Variants in CTNNA3 observed in about 807,000 individuals in gnomAD.
CTNNA3 encodes catenin alpha 3.
A neutral mutation model predicts 95.7 loss-of-function variants in CTNNA3; 76 were observed. The ratio of observed to expected loss-of-function variants is 0.79; its 90% CI spans 0.66 to 0.96. CTNNA3 has a LOEUF of 0.96. Ranked by LOEUF, CTNNA3 falls within the 40% of genes least tolerant of loss-of-function variation. The pLI is 0.00. For synonymous variants in CTNNA3, 431 were observed against 374.4 expected (o/e 1.15, Z -1.74); for missense variants, 1,191 against 1,089.8 (o/e 1.09, Z -1.31).
chr10:67,677,249 C>T (rs1450731084), intron 1 of CTNNA3, among the ~76,000 whole-genome samples: 1 of 152,114 alleles, frequency 6.6e-6, no homozygotes, highest in Non-Finnish European at 1.5e-5. Context: ...TTTTCCCTTA[C>T]CTTAAGGTTC....
At chr10:66,303,562 G>A (rs2091892999) in intron 12 of CTNNA3, among the ~76,000 whole-genome samples, 1 of 152,028 alleles carries the variant, frequency 6.6e-6, no homozygotes, top group South Asian at 2.1e-4. Flanking sequence ...GGCATATGAA[G>A]TGAATAAAAA....
At chr10:66,121,106 C>G (rs890323611) in intron 13 of CTNNA3, among the ~76,000 whole-genome samples, 1 of 152,174 alleles carries the variant, frequency 6.6e-6, no homozygotes, top group African/African-American at 2.4e-5. Context: ...AAACAAAAAT[C>G]TTGCCTACTA....
intron 7 of CTNNA3, among the ~76,000 whole-genome samples, chr10:66,887,342 C>CT (rs1475012890): frequency 7.9e-5 from 12 of 152,248 alleles, no homozygotes; most frequent in African/African-American, 2.6e-4. Flanking sequence ...TGCCCTCTTT[C>CT]TTTGAGTATG....
intron 9 of CTNNA3, among the ~76,000 whole-genome samples, chr10:66,629,317 G>C (rs1219406548): frequency 2.6e-5 from 4 of 151,980 alleles, no homozygotes; most frequent in Non-Finnish European, 5.9e-5. Flanking sequence ...GAGAGCTACA[G>C]GTCGCCTGGA....
At chr10:66,799,596 C>A (rs11813818) in intron 7 of CTNNA3, among the ~76,000 whole-genome samples, 29,804 of 151,252 alleles carry the variant, frequency 0.2, 3,262 homozygotes, top group Non-Finnish European at 0.24. Context: ...AAGGTAGAGA[C>A]AAGCATTAGA....
intron 15 of CTNNA3, among the ~76,000 whole-genome samples, chr10:66,001,363 T>G (rs1254124031): frequency 2.0e-5 from 3 of 152,202 alleles, no homozygotes; most frequent in Non-Finnish European, 4.4e-5. Flanking sequence ...GATGTTTTCT[T>G]TTTTATAATA....
chr10:67,139,293 C>A (rs1425184338), intron 7 of CTNNA3, among the ~76,000 whole-genome samples: 4 of 138,774 alleles, frequency 2.9e-5, no homozygotes, highest in African/African-American at 8.4e-5. Context: ...CCACCACGCC[C>A]GGCTAATTTT....
chr10:67,487,805 C>T (rs1433252694), intron 5 of CTNNA3, among the ~76,000 whole-genome samples: 7 of 152,220 alleles, frequency 4.6e-5, no homozygotes, highest in Non-Finnish European at 1.0e-4. Flanking sequence ...CTCACCAAGA[C>T]AGTGGTGACT....
At chr10:66,750,149 T>C (rs997097201) in intron 9 of CTNNA3, among the ~76,000 whole-genome samples, 6 of 152,224 alleles carry the variant, frequency 3.9e-5, no homozygotes, top group Admixed American at 2.0e-4. Context: ...AAATATATTA[T>C]TCATGTGTGT....
chr10:66,298,561 C>T (rs994111028), intron 12 of CTNNA3, among the ~76,000 whole-genome samples: 1 of 152,114 alleles, frequency 6.6e-6, no homozygotes, highest in Admixed American at 6.5e-5. Flanking sequence ...CAGTATCCAT[C>T]ACCCTTTCTT....
intron 7 of CTNNA3, among the ~76,000 whole-genome samples, chr10:67,063,279 T>C (rs1855869256): frequency 6.6e-6 from 1 of 152,334 alleles, no homozygotes; most frequent in Admixed American, 6.5e-5. Flanking sequence ...TTAAAAGATG[T>C]ATTAGTTCAC....
Position 67,326,439 on chromosome 10 carries a change from C to T in CTNNA3, c.580-106569G>A, listed in dbSNP as rs570005305. ...AGTTGATGGTAACAATTTCCCTCAG[C>T]ATTTGCCTGTCTGAAAAGGATCTTA... On this transcript the variant is annotated intron_variant, in intron 5 of 17. Transcript: ENST00000433211. Among the ~76,000 whole-genome samples, 23 of 152,320 alleles carry T rather than the reference C, an allele frequency of 1.5e-4. No homozygotes were observed. The South Asian group carries it at 4.6e-3, about 30-fold the overall frequency.
intron 10 of CTNNA3, among the ~76,000 whole-genome samples, chr10:66,594,857 T>C (rs1843659866): frequency 6.6e-6 from 1 of 152,194 alleles, no homozygotes. Flanking sequence ...TTCACTTTCC[T>C]TATCTTTAAA....
intron 7 of CTNNA3, among the ~76,000 whole-genome samples, chr10:67,014,599 TC>T (rs1852542573): frequency 6.6e-6 from 1 of 152,140 alleles, no homozygotes; most frequent in Non-Finnish European, 1.5e-5. Flanking sequence ...CCAAAGACTT[TC>T]TTTAGTAGCT....
chr10:66,926,713 T>G, intron 7 of CTNNA3: 1 of 1,174,298 alleles, frequency 8.5e-7, no homozygotes, highest in Non-Finnish European at 1.2e-6. Flanking sequence ...TATGAATTTA[T>G]TTGCTTAGTG....
At chr10:67,733,672 G>A (rs1271565290) in intron 1 of CTNNA3, among the ~76,000 whole-genome samples, 1 of 152,038 alleles carries the variant, frequency 6.6e-6, no homozygotes, top group African/African-American at 2.4e-5. Context: ...TTACCTTTCC[G>A]ACAAATACTC....
intron 5 of CTNNA3, among the ~76,000 whole-genome samples, chr10:67,223,220 C>T (rs1047883790): frequency 6.6e-6 from 1 of 152,188 alleles, no homozygotes; most frequent in African/African-American, 2.4e-5. Flanking sequence ...GCATGATAAA[C>T]TTAATGTAGT....
At chr10:66,726,339 A>G (rs1207883651) in intron 9 of CTNNA3, among the ~76,000 whole-genome samples, 1 of 152,100 alleles carries the variant, frequency 6.6e-6, no homozygotes, top group East Asian at 1.9e-4. Flanking sequence ...TGTAAAGCCA[A>G]TATCTCGCCA....
chr10:67,071,932 G>A (rs1191473891), intron 7 of CTNNA3, among the ~76,000 whole-genome samples: 2 of 152,076 alleles, frequency 1.3e-5, no homozygotes, highest in Admixed American at 6.6e-5. Context: ...TTCAGTTCAA[G>A]AATATGTGTT....
Sources: gnomAD v4.1 joint callset for allele counts (sites outside exome capture counted in the v4.1 genomes callset) on GRCh38, gnomAD v4.1.1 for gene constraint, MANE v1.5 for transcripts, NCBI Gene and HGNC (gene_info 2026-07-23, HGNC 2026-07-21) for gene names.